PCCA: variants seen among roughly 807,000 people sequenced by gnomAD.
The protein encoded by PCCA is propionyl-CoA carboxylase subunit alpha, also known as propionyl-CoA carboxylase alpha chain, mitochondrial.
In PCCA, 74 loss-of-function variants were observed where a neutral mutation model predicts 101.3. That is an observed-to-expected ratio of 0.73 (90% confidence interval 0.61 to 0.89). The LOEUF (loss-of-function observed/expected upper bound fraction) is 0.89. Ranked by LOEUF, PCCA falls within the 40% of genes least tolerant of loss-of-function variation. The probability of loss-of-function intolerance (pLI) is 0.00; values close to 1 mark genes in which losing one functional copy is unlikely to be tolerated. For synonymous variants in PCCA, 294 were observed against 313.6 expected, an observed-to-expected ratio of 0.94 and a Z score of 0.66; for missense variants, 891 against 907.0, an observed-to-expected ratio of 0.98 and a Z score of 0.23.
chr13:100,184,870 T>C (rs2152435875), intron 6 of PCCA, among the ~76,000 whole-genome samples: 1 of 152,360 alleles, frequency 6.6e-6, no homozygotes, highest in East Asian at 1.9e-4. Context: ...AGGCTGTAAT[T>C]GGCCAGTACT....
chr13:100,185,211 C>T (rs1386747636), intron 6 of PCCA, among the ~76,000 whole-genome samples: 2 of 152,134 alleles, frequency 1.3e-5, no homozygotes, highest in African/African-American at 4.8e-5. Flanking sequence ...ACTTTCACCT[C>T]CTTAATATGC....
At chr13:100,323,651 G>A (rs2068316431) in intron 16 of PCCA, among the ~76,000 whole-genome samples, 1 of 152,142 alleles carries the variant, frequency 6.6e-6, no homozygotes, top group South Asian at 2.1e-4. Flanking sequence ...AGAACTAGAA[G>A]TTAGGTAGGT....
intron 8 of PCCA, among the ~76,000 whole-genome samples, chr13:100,241,135 A>G (rs547163789): frequency 6.6e-5 from 10 of 152,276 alleles, no homozygotes; most frequent in South Asian, 6.2e-4. Flanking sequence ...AAAGTGCACA[A>G]TTCGGTGATT....
intron 8 of PCCA, among the ~76,000 whole-genome samples, chr13:100,239,812 A>G (rs994084680): frequency 6.6e-6 from 1 of 152,182 alleles, no homozygotes; most frequent in African/African-American, 2.4e-5. Flanking sequence ...ACAATCACAA[A>G]TCATGCCCAA....
chr13:100,346,772 G>C (rs1455949113), intron 18 of PCCA, among the ~76,000 whole-genome samples: 2 of 152,116 alleles, frequency 1.3e-5, no homozygotes, highest in African/African-American at 2.4e-5. Context: ...AGCCTCCCCA[G>C]CCTTCAGCAT....
At chr13:100,456,641 T>C (rs189994318) in intron 21 of PCCA, among the ~76,000 whole-genome samples, 1 of 135,614 alleles carries the variant, frequency 7.4e-6, no homozygotes, top group East Asian at 2.0e-4. Context: ...CCTTCCCTCT[T>C]AGGTAGCCGA....
chr13:100,213,132 C>T (rs1167580973), intron 7 of PCCA, among the ~76,000 whole-genome samples: 4 of 152,120 alleles, frequency 2.6e-5, no homozygotes, highest in South Asian at 2.1e-4. Flanking sequence ...AAAATCCATT[C>T]GTCTGTTGAT....
intron 19 of PCCA, among the ~76,000 whole-genome samples, chr13:100,420,108 T>C (rs1445374426): frequency 6.6e-6 from 1 of 152,228 alleles, no homozygotes; most frequent in Non-Finnish European, 1.5e-5. Flanking sequence ...TATTATGTCA[T>C]TTATCACTTC....
At chr13:100,440,250 A>G (rs1386278649) in intron 20 of PCCA, among the ~76,000 whole-genome samples, 1 of 145,992 alleles carries the variant, frequency 6.8e-6, no homozygotes, top group Non-Finnish European at 1.5e-5. Flanking sequence ...CCTATGTAAT[A>G]TAAAATATTA....
intron 22 of PCCA, 48 bp downstream of exon 22, chr13:100,515,615 C>A (rs1490658669): frequency 2.0e-5 from 32 of 1,606,392 alleles, no homozygotes; most frequent in Non-Finnish European, 2.7e-5. Context: ...TCTCCAACTT[C>A]CCCTTCCAAA....
intron 21 of PCCA, among the ~76,000 whole-genome samples, chr13:100,499,076 G>A (rs2085479802): frequency 6.6e-6 from 1 of 152,214 alleles, no homozygotes; most frequent in Non-Finnish European, 1.5e-5. Context: ...GTTGTGACAA[G>A]TGAAAGCTTT....
intron 21 of PCCA, among the ~76,000 whole-genome samples, chr13:100,492,511 G>A (rs1184549921): frequency 6.6e-6 from 1 of 151,830 alleles, no homozygotes; most frequent in African/African-American, 2.4e-5. Flanking sequence ...TTGACTGAAT[G>A]AATTGGCCCC....
chr13:100,340,956 G>A (rs1036440860), intron 18 of PCCA, among the ~76,000 whole-genome samples: 8 of 152,202 alleles, frequency 5.3e-5, no homozygotes, highest in African/African-American at 1.9e-4. Flanking sequence ...AAGATGGAAG[G>A]TGATGAACTA....
In PCCA at chr13:100,376,151, C is replaced by G. The variant is rs2152821762; in HGVS notation, c.1746+7577C>G. Among the ~76,000 whole-genome samples the G allele has an allele frequency of 2.6e-5, 4 of 152,330 alleles. No individual in the cohort carries two copies. The East Asian group carries it at 7.7e-4, about 29-fold the overall frequency. ...GTTTGCTGGAGGTCCACTCCAGATC[C>G]TGTTTGACTGGGTATCACTAGCAGA... On this transcript the variant is annotated intron_variant, in intron 19 of 23. Transcript: ENST00000376285.
At chr13:100,374,134 A>G (rs1319513379) in intron 19 of PCCA, among the ~76,000 whole-genome samples, 1 of 151,952 alleles carries the variant, frequency 6.6e-6, no homozygotes, top group Non-Finnish European at 1.5e-5. Context: ...ATAAATAAAT[A>G]AAATAAAAAA....
chr13:100,300,235 G>A (rs2065953150), intron 12 of PCCA, among the ~76,000 whole-genome samples: 1 of 152,150 alleles, frequency 6.6e-6, no homozygotes, highest in Non-Finnish European at 1.5e-5. Context: ...TTATTTTAGT[G>A]ATGATTTGTC....
intron 2 of PCCA, among the ~76,000 whole-genome samples, chr13:100,106,523 G>T (rs1279629569): frequency 6.6e-6 from 1 of 152,034 alleles, no homozygotes; most frequent in Non-Finnish European, 1.5e-5. Flanking sequence ...CGATTCTCCT[G>T]CCTCAGCCTC....
chr13:100,264,109 A>G (rs2062752736), intron 10 of PCCA, among the ~76,000 whole-genome samples: 2 of 143,266 alleles, frequency 1.4e-5, no homozygotes, highest in African/African-American at 5.1e-5. Context: ...TCGTATATAT[A>G]CGGTATCTGT....
At chr13:100,145,718 T>G (rs1313049856) in intron 4 of PCCA, among the ~76,000 whole-genome samples, 1 of 151,462 alleles carries the variant, frequency 6.6e-6, no homozygotes, top group Non-Finnish European at 1.5e-5. Flanking sequence ...AAAAAATAGC[T>G]GGGCATGGTG....
Sources: gnomAD v4.1 joint callset for allele counts (sites outside exome capture counted in the v4.1 genomes callset) on GRCh38, gnomAD v4.1.1 for gene constraint, MANE v1.5 for transcripts, NCBI Gene and HGNC (gene_info 2026-07-23, HGNC 2026-07-21) for gene names.